GOLPH3: variants seen among roughly 807,000 people sequenced by gnomAD.
The protein encoded by GOLPH3 is golgi phosphoprotein 3.
Under a neutral mutation model 28.5 loss-of-function variants are expected in GOLPH3, and 14 were observed. The ratio of observed to expected loss-of-function variants is 0.49; its 90% CI spans 0.32 to 0.77. GOLPH3 has a LOEUF of 0.77. GOLPH3 is among the 30% of genes least tolerant of loss of function. GOLPH3 has a pLI of 0.03. For synonymous variants in GOLPH3, 158 were observed against 159.2 expected (o/e 0.99, Z 0.06); for missense variants, 350 against 393.7 (o/e 0.89, Z 0.94).
rs1035584040 is a variant in GOLPH3 at position 32,141,838 on chromosome 5, G to A, written c.357+1911C>T. On this transcript the variant is annotated intron_variant, in intron 2 of 3. Transcript: ENST00000265070. Reference sequence around the variant, plus strand: ...GGGCTGGTCTCCAGCTCCTAACCGCGAGTGATCCGCCAGCCTCGGCCTCCC... The same window carrying A: ...GGGCTGGTCTCCAGCTCCTAACCGCAAGTGATCCGCCAGCCTCGGCCTCCC... 1.2e-4 allele frequency among the ~76,000 whole-genome samples: 18 copies of A among 152,078 alleles called. No individual in the cohort carries two copies. In the East Asian group the frequency reaches 1.7e-3, roughly 15 times the overall value.
chr5:32,142,047 G>A (rs1296434941), intron 2 of GOLPH3, among the ~76,000 whole-genome samples: 2 of 151,786 alleles, frequency 1.3e-5, no homozygotes, highest in East Asian at 1.9e-4. Context: ...AGTGAGGAGC[G>A]TCTCCGCCTG....
intron 3 of GOLPH3, among the ~76,000 whole-genome samples, chr5:32,133,233 C>G (rs748912105): frequency 1.3e-5 from 2 of 152,154 alleles, no homozygotes; most frequent in Admixed American, 1.3e-4. Flanking sequence ...TAGGTGAGAA[C>G]CAAGTTCAGT....
At chr5:32,135,317 G>C (rs1470029076) in intron 3 of GOLPH3, among the ~76,000 whole-genome samples, 1 of 152,200 alleles carries the variant, frequency 6.6e-6, no homozygotes, top group East Asian at 1.9e-4. Flanking sequence ...GATTAAGGTA[G>C]CATGTGGTAA....
intron 1 of GOLPH3, among the ~76,000 whole-genome samples, chr5:32,168,550 T>G (rs1746763377): frequency 6.6e-6 from 1 of 152,182 alleles, no homozygotes; most frequent in Admixed American, 6.5e-5. Context: ...AAAGCAACTT[T>G]ACTGGAAGGC....
chr5:32,161,775 C>T (rs1746584121), intron 1 of GOLPH3, among the ~76,000 whole-genome samples: 6 of 151,304 alleles, frequency 4.0e-5, no homozygotes, highest in Middle Eastern at 3.4e-3. Context: ...CGCCTGTAAT[C>T]CCAGCACTTT....
chr5:32,136,747 T>C (rs918737947), intron 2 of GOLPH3, among the ~76,000 whole-genome samples: 4 of 152,216 alleles, frequency 2.6e-5, no homozygotes, highest in Non-Finnish European at 5.9e-5. Flanking sequence ...ATTTTAAATT[T>C]TGAAGTCAGG....
At chr5:32,165,333 A>T (rs574327523) in intron 1 of GOLPH3, among the ~76,000 whole-genome samples, 2 of 152,280 alleles carry the variant, frequency 1.3e-5, no homozygotes, top group South Asian at 4.1e-4. Flanking sequence ...CTGTAATCCC[A>T]GCACTTTGGG....
chr5:32,161,286 C>T (rs1273365110), intron 1 of GOLPH3, among the ~76,000 whole-genome samples: 24 of 150,210 alleles, frequency 1.6e-4, no homozygotes, highest in African/African-American at 6.0e-4. Flanking sequence ...GCCTGTAGTC[C>T]CGGCTACTTG....
intron 1 of GOLPH3, among the ~76,000 whole-genome samples, chr5:32,171,975 T>G (rs568873199): frequency 6.6e-6 from 1 of 152,084 alleles, no homozygotes; most frequent in East Asian, 1.9e-4. Flanking sequence ...AAGACAAATG[T>G]TTATAATCAA....
intron 1 of GOLPH3, among the ~76,000 whole-genome samples, chr5:32,150,009 C>T (rs1372522710): frequency 1.3e-5 from 2 of 150,892 alleles, no homozygotes; most frequent in Non-Finnish European, 2.9e-5. Context: ...AGTAGTAAAA[C>T]TGCATTTGCT....
intron 1 of GOLPH3, among the ~76,000 whole-genome samples, chr5:32,150,063 G>GA (rs1746271077): frequency 6.6e-6 from 1 of 151,672 alleles, no homozygotes. Context: ...AGAGTAAATG[G>GA]AAAAATTACT....
chr5:32,143,662 C>G (rs1746131966), intron 2 of GOLPH3, 87 bp downstream of exon 2: 1 of 1,183,730 alleles, frequency 8.4e-7, no homozygotes, highest in Non-Finnish European at 1.2e-6. Context: ...TCAACTTCCA[C>G]TTTAATTTTT....
At chr5:32,173,342 GAAGAAA>G (rs1450773356) in intron 1 of GOLPH3, among the ~76,000 whole-genome samples, 15 of 150,588 alleles carry the variant, frequency 1.0e-4, no homozygotes, top group African/African-American at 3.4e-4. Flanking sequence ...AACTGAAGAA[GAAGAAA>G]AAAAAAACAT....
At chr5:32,165,935 T>C (rs2111894877) in intron 1 of GOLPH3, among the ~76,000 whole-genome samples, 2 of 152,352 alleles carry the variant, frequency 1.3e-5, no homozygotes, top group East Asian at 3.9e-4. Flanking sequence ...CCTGGAATTT[T>C]CTGTAGTTAA....
intron 3 of GOLPH3, among the ~76,000 whole-genome samples, chr5:32,130,885 T>C (rs1331064227): frequency 2.0e-5 from 3 of 152,258 alleles, no homozygotes; most frequent in African/African-American, 2.4e-5. Flanking sequence ...TGGAAATACA[T>C]GCTTAGTAAA....
Position 32,127,998 on chromosome 5 carries a change from C to T in GOLPH3, c.473-1362G>A, listed in dbSNP as rs184667285. On this transcript the variant is annotated intron_variant, in intron 3 of 3. Coordinates refer to ENST00000265070, the MANE Select transcript of GOLPH3 (RefSeq NM_022130.4). ...GCACAGCAGTCCCATCACGTTAAGG[C>T]AGCAGAGATCAGAGTTCAGGGTAGC... Among the ~76,000 whole-genome samples, 190 of 152,080 alleles carry T rather than the reference C, an allele frequency of 1.2e-3. 3 individuals are homozygous for T. Among genetic ancestry groups the T allele is most frequent in the Admixed American group, 0.01 (158 of 15,280 alleles).
chr5:32,153,015 G>C (rs992727983), intron 1 of GOLPH3, among the ~76,000 whole-genome samples: 1 of 152,120 alleles, frequency 6.6e-6, no homozygotes, highest in African/African-American at 2.4e-5. Context: ...ATATGCAACA[G>C]TATATGCATA....
chr5:32,173,962 T>C lies in GOLPH3; in HGVS notation c.73A>G (p.Lys25Glu), dbSNP rs1561692200. ...GCGCCGCCGCCCGCCGCCCGCTCCT[T>C]GTCGGCGGCGTTGCGGGAGGCCTCG... ...RTEASRNAAD[K>E]ERAAGGGAGS... Residue 25 changes from lysine to glutamate, a missense_variant, in exon 1 of 4, where the codon AAG becomes GAG. Coordinates refer to ENST00000265070, the MANE Select transcript of GOLPH3 (RefSeq NM_022130.4). 1 of 1,424,626 alleles carries C rather than the reference T, an allele frequency of 7.0e-7. No individual in the cohort carries two copies. The allele number at this position is 1,424,626 out of a possible 1,614,324, so 88.2% of individuals were successfully genotyped here. A position where few individuals can be genotyped will look rare whatever the true frequency, so the allele number is the denominator to read the frequency against.
chr5:32,154,380 T>G (rs1022572014), intron 1 of GOLPH3, among the ~76,000 whole-genome samples: 1 of 152,252 alleles, frequency 6.6e-6, no homozygotes, highest in Admixed American at 6.5e-5. Context: ...CAAGTTCTAG[T>G]GGCAGATCTA....
Sources: allele counts gnomAD v4.1 joint callset (sites outside exome capture counted in the v4.1 genomes callset), GRCh38; gene constraint gnomAD v4.1.1; transcripts MANE v1.5; gene names NCBI Gene and HGNC (gene_info 2026-07-23, HGNC 2026-07-21).